Variants in CLVS2 observed in about 807,000 individuals in gnomAD.
CLVS2 encodes the protein clavesin 2.
A neutral mutation model predicts 29.0 loss-of-function variants in CLVS2; 19 were observed. The observed-to-expected ratio is 0.66, with a 90% CI of 0.46 to 0.96. The LOEUF (loss-of-function observed/expected upper bound fraction) is 0.96, where lower values mean the gene tolerates loss of function less well. CLVS2 is among the 40% of genes least tolerant of loss of function. The pLI is 0.00. For missense variants in CLVS2, 294 were observed against 404.1 expected (o/e 0.73, Z 2.34); for synonymous variants, 161 against 151.3 (o/e 1.06, Z -0.47).
chr6:123,029,757 A>G (rs1441988482), intron 3 of CLVS2, among the ~76,000 whole-genome samples: 1 of 152,202 alleles, frequency 6.6e-6, no homozygotes, highest in Non-Finnish European at 1.5e-5. Context: ...TAAAGAATGT[A>G]TTAAACAGGG....
intron 4 of CLVS2, 97 bp from the exon 5 acceptor site, chr6:123,055,709 A>T: frequency 1.2e-6 from 1 of 836,916 alleles, no homozygotes; most frequent in East Asian, 2.5e-5. Context: ...CGAAACTCAT[A>T]TTTGCTATTG....
chr6:122,998,104 C>T lies in CLVS2; in HGVS notation c.327C>T (p.Ala109=). 1.2e-6 allele frequency: 2 copies of T among 1,614,104 alleles called. No individual in the cohort carries two copies. The highest frequency in any genetic ancestry group is 1.7e-6 in the Non-Finnish European group (2 of 1,180,030). The change falls in exon 2 of 6, where the codon GCC becomes GCT. Residue 109 remains alanine (A), a synonymous_variant. Transcript: ENST00000275162. ...ALKDGFPGGL[A]NLDHYGRKIL... is the part of the protein sequence containing the mutation. ...AGGATGGCTTCCCTGGGGGCCTGGC[C>T]AATCTGGACCACTATGGCAGGAAGA...
At chr6:123,046,204 T>C (rs978847459) in intron 3 of CLVS2, among the ~76,000 whole-genome samples, 1 of 152,204 alleles carries the variant, frequency 6.6e-6, no homozygotes, top group Admixed American at 6.5e-5. Context: ...TCTTTCACTC[T>C]GCCTCAACTG....
intron 5 of CLVS2, among the ~76,000 whole-genome samples, chr6:123,061,041 C>A (rs1027401261): frequency 6.6e-6 from 1 of 152,238 alleles, no homozygotes; most frequent in African/African-American, 2.4e-5. Context: ...TGGCCCATGC[C>A]TGTAATCCCA....
At chr6:123,049,483 G>A (rs1036832958) in intron 4 of CLVS2, among the ~76,000 whole-genome samples, 1 of 152,092 alleles carries the variant, frequency 6.6e-6, no homozygotes, top group East Asian at 1.9e-4. Context: ...TTTTAGAGCT[G>A]AAGAAACTAA....
intron 2 of CLVS2, among the ~76,000 whole-genome samples, chr6:123,007,883 C>T (rs1355616191): frequency 2.0e-5 from 3 of 152,038 alleles, no homozygotes; most frequent in Non-Finnish European, 2.9e-5. Context: ...CAGTGTAAAC[C>T]CCAAACATGA....
chr6:123,051,389 C>T (rs1229319831), intron 4 of CLVS2, among the ~76,000 whole-genome samples: 1 of 152,198 alleles, frequency 6.6e-6, no homozygotes, highest in African/African-American at 2.4e-5. Flanking sequence ...AACTTCCCAT[C>T]CATCATGGCC....
At chr6:123,060,902 T>A (rs1047329605) in intron 5 of CLVS2, among the ~76,000 whole-genome samples, 1 of 152,232 alleles carries the variant, frequency 6.6e-6, no homozygotes, top group African/African-American at 2.4e-5. Flanking sequence ...CACTATGTAT[T>A]GTAGATGCAT....
chr6:123,006,468 G>A (rs1227254705), intron 2 of CLVS2, among the ~76,000 whole-genome samples: 1 of 151,962 alleles, frequency 6.6e-6, no homozygotes, highest in Admixed American at 6.6e-5. Flanking sequence ...AGAGAAAGAT[G>A]GGAGAGAAAG....
chr6:123,048,524 T>A (rs997704318), intron 3 of CLVS2, 98 bp from the exon 4 acceptor site: 7 of 748,354 alleles, frequency 9.4e-6, no homozygotes, highest in Admixed American at 2.2e-5. Context: ...CTCATCTAAG[T>A]ATGTGAAAGA....
intron 3 of CLVS2, 101 bp from the exon 4 acceptor site, chr6:123,048,521 A>C: frequency 1.4e-6 from 1 of 731,416 alleles, no homozygotes; most frequent in Non-Finnish European, 2.4e-6. Flanking sequence ...AATCTCATCT[A>C]AGTATGTGAA....
At position 123,065,352 on chromosome 6, in the gene CLVS2, C is replaced by G. The variant is rs1772838040; in HGVS notation, c.*1591C>G. On this transcript the variant is annotated 3_prime_UTR_variant, in exon 6 of 6. Transcript: ENST00000275162. ...CAACAAAAATAAAGGCATGTGTCAG[C>G]CTTCATATTTTTTGGCCAAAAGCTC... The G allele has an allele frequency of 6.6e-6, 1 of 151,796 alleles. No homozygotes were observed. Among genetic ancestry groups the G allele is most frequent in the Non-Finnish European group, 1.5e-5 (1 of 67,814 alleles). 9.4% of individuals were successfully genotyped at this position (151,796 alleles called of 1,614,324 possible). A position where few individuals can be genotyped will look rare whatever the true frequency, so the allele number is the denominator to read the frequency against.
chr6:123,048,333 TACTG>T (rs1436273634), intron 3 of CLVS2, among the ~76,000 whole-genome samples: 1 of 152,148 alleles, frequency 6.6e-6, no homozygotes, highest in South Asian at 2.1e-4. Context: ...TCTTGGCCTG[TACTG>T]ACTATTAGCA....
chr6:123,040,049 A>G (rs916090291), intron 3 of CLVS2, among the ~76,000 whole-genome samples: 1 of 152,156 alleles, frequency 6.6e-6, no homozygotes, highest in African/African-American at 2.4e-5. Context: ...ATACATTAAC[A>G]TCGTATCAAG....
rs1007333186 is a variant in CLVS2, at chr6:123,070,053, T to C, written c.*6292T>C. The C allele has an allele frequency of 5.9e-5, 9 of 151,958 alleles. No homozygotes were observed. Among genetic ancestry groups the C allele is most frequent in the African/African-American group, 2.2e-4 (9 of 41,410 alleles). The allele number at this position is 151,958 out of a possible 1,614,324, so 9.4% of individuals were successfully genotyped here. On this transcript the variant is annotated 3_prime_UTR_variant, in exon 6 of 6. Coordinates refer to ENST00000275162, the MANE Select transcript of CLVS2 (RefSeq NM_001010852.4). ...GGTTTATAAATTATTACCTAAAAGTTTTATGAAATATAATTATTAAGTTTT... is the reference window on the plus strand; with the variant it reads ...GGTTTATAAATTATTACCTAAAAGTCTTATGAAATATAATTATTAAGTTTT...
intron 3 of CLVS2, among the ~76,000 whole-genome samples, chr6:123,033,682 G>A (rs998405301): frequency 3.9e-5 from 6 of 151,918 alleles, no homozygotes; most frequent in Admixed American, 1.3e-4. Flanking sequence ...GGTGCCCAGA[G>A]CATAATCAAA....
chr6:122,998,020 G>C lies in CLVS2; in HGVS notation c.243G>C (p.Gln81His), dbSNP rs944871003. Residue 81 changes from glutamine to histidine, a missense_variant, in exon 2 of 6, where the codon CAG becomes CAC. Gln to His is a conservative substitution (Grantham distance 24). This residue lies in a region of CLVS2 where 212 missense variants were observed against 336.4 expected (regional missense o/e 0.63). Transcript: ENST00000275162. Reference sequence around the variant, plus strand: ...CGCAGTACTTTGAGTACCGGCAGCAGAACCTGGACATGTTCAAAAGCTTTA... The same window carrying C: ...CGCAGTACTTTGAGTACCGGCAGCACAACCTGGACATGTTCAAAAGCTTTA... ...LLAQYFEYRQ[Q>H]NLDMFKSFKA... The C allele has an allele frequency of 5.0e-6, 8 of 1,614,180 alleles. No homozygotes were observed. Among genetic ancestry groups the C allele is most frequent in the Non-Finnish European group, 6.8e-6 (8 of 1,180,024 alleles).
chr6:123,034,429 A>G (rs1376548331), intron 3 of CLVS2, among the ~76,000 whole-genome samples: 3 of 152,202 alleles, frequency 2.0e-5, no homozygotes, highest in Non-Finnish European at 4.4e-5. Flanking sequence ...TTTTGTGAAT[A>G]TCAAGGGCAT....
intron 1 of CLVS2, among the ~76,000 whole-genome samples, 175 bp downstream of exon 1, chr6:122,996,921 C>T (rs1177957973): frequency 6.6e-6 from 1 of 151,348 alleles, no homozygotes; most frequent in South Asian, 2.1e-4. Context: ...AACCCCGCGG[C>T]AAGTCCGTGG....
Sources: allele counts gnomAD v4.1 joint callset (sites outside exome capture counted in the v4.1 genomes callset), GRCh38; gene constraint gnomAD v4.1.1; regional missense constraint gnomAD v4.1.1; transcripts MANE v1.5; gene names NCBI Gene and HGNC (gene_info 2026-07-23, HGNC 2026-07-21).